The following NUP62CL variants were observed in gnomAD, a reference collection of about 807,000 sequenced individuals.
The protein encoded by NUP62CL is nucleoporin-62 C-terminal-like protein.
Under a neutral mutation model 15.3 loss-of-function variants are expected in NUP62CL, and 13 were observed. The ratio of observed to expected loss-of-function variants is 0.85; its 90% CI spans 0.55 to 1.35. The LOEUF (loss-of-function observed/expected upper bound fraction) is 1.35, where lower values mean the gene tolerates loss of function less well. Ranked by LOEUF, NUP62CL falls within the 40% of genes most tolerant of loss-of-function variation. The pLI, the probability that NUP62CL is intolerant of heterozygous loss-of-function variation, is 0.00. For synonymous variants in NUP62CL, 54 were observed against 49.2 expected (o/e 1.10, Z -0.41); for missense variants, 123 against 130.6 (o/e 0.94, Z 0.28).
At chrX:107,178,797 T>C (rs1285031557) in intron 2 of NUP62CL, among the ~76,000 whole-genome samples, 3 of 111,545 alleles carry the variant, frequency 2.7e-5, no homozygotes, top group Admixed American at 9.6e-5. Context: ...TATCCCTATG[T>C]TTCATTTAGG....
At chrX:107,156,637 C>T (rs1220810522) in intron 4 of NUP62CL, among the ~76,000 whole-genome samples, 9 of 83,077 alleles carry the variant, frequency 1.1e-4, no homozygotes, top group Non-Finnish European at 1.6e-4. Flanking sequence ...TGTACATCAC[C>T]ATCATCAAAG....
chrX:107,193,331 T>C (rs1927287845), intron 1 of NUP62CL, among the ~76,000 whole-genome samples: 2 of 112,222 alleles, frequency 1.8e-5, no homozygotes, highest in African/African-American at 3.2e-5. Context: ...TAGCCCAAGA[T>C]GATACCTTGA....
At chrX:107,126,291 TTAAGA>T (rs1273143775) in intron 8 of NUP62CL, among the ~76,000 whole-genome samples, 12 of 112,217 alleles carry the variant, frequency 1.1e-4, no homozygotes, top group Non-Finnish European at 1.9e-4. Context: ...CTCACTATTG[TTAAGA>T]TGGCAATTCT....
intron 7 of NUP62CL, among the ~76,000 whole-genome samples, chrX:107,148,313 G>GTA (rs767472380): frequency 9.0e-6 from 1 of 111,680 alleles, no homozygotes; most frequent in Admixed American, 9.5e-5. Flanking sequence ...GACTCAGTCA[G>GTA]TATATTCTAT....
chrX:107,129,477 A>G (rs993570322), intron 8 of NUP62CL, among the ~76,000 whole-genome samples: 5 of 112,108 alleles, frequency 4.5e-5, no homozygotes, highest in Non-Finnish European at 9.4e-5. Flanking sequence ...ATAAAGTGAA[A>G]GCCTACAAGC....
chrX:107,143,255 C>T lies in NUP62CL; in HGVS notation c.*42+4488G>A, dbSNP rs986859287. On this transcript the variant is annotated intron_variant, in intron 8 of 8. Transcript: ENST00000372466. ...ATCACGCTTTTTTATTAGACACAGT[C>T]TCACTGTCACCAAGGCTAGGGTGTA... 2.7e-5 allele frequency among the ~76,000 whole-genome samples: 3 copies of T among 111,663 alleles called. No homozygotes were observed. In the East Asian group the frequency reaches 8.4e-4, roughly 31 times the overall value.
chrX:107,137,702 C>G (rs1170878903), intron 8 of NUP62CL, among the ~76,000 whole-genome samples: 1 of 111,830 alleles, frequency 8.9e-6, no homozygotes, highest in African/African-American at 3.2e-5. Flanking sequence ...ATGAAAATTA[C>G]AAAATGCTCA....
At chrX:107,176,061 C>T (rs1266088773) in intron 2 of NUP62CL, among the ~76,000 whole-genome samples, 1 of 111,558 alleles carries the variant, frequency 9.0e-6, no homozygotes, top group Non-Finnish European at 1.9e-5. Flanking sequence ...CTGCTCAGTA[C>T]CCAAAGCACT....
rs775576182 is a variant in NUP62CL at position 107,152,151 on chromosome X, G to GAAT, written c.530+1020_530+1021insATT. ...ATATATTCAGATATATATATATTCA[G>GAAT]ATATATATATATATATTCAGATATA... is the stretch of plus-strand genomic sequence containing the variant. On this transcript the variant is annotated intron_variant, in intron 7 of 8. Coordinates refer to ENST00000372466, the MANE Select transcript of NUP62CL (RefSeq NM_017681.3). Among the ~76,000 whole-genome samples the GAAT allele has an allele frequency of 3.6e-3, 153 of 42,817 alleles. 6 individuals carry two copies. The highest frequency in any genetic ancestry group is 0.015 in the African/African-American group (140 of 9,282). The allele number at this position is 42,817 out of a possible 115,157, so 37.2% of individuals were successfully genotyped here. A position where few individuals can be genotyped will look rare whatever the true frequency, so the allele number is the denominator to read the frequency against.
At chrX:107,140,658 C>T (rs1202127202) in intron 8 of NUP62CL, among the ~76,000 whole-genome samples, 1 of 112,242 alleles carries the variant, frequency 8.9e-6, no homozygotes, top group Non-Finnish European at 1.9e-5. Context: ...TACAAGAGTG[C>T]TTTTTCTGTT....
intron 7 of NUP62CL, among the ~76,000 whole-genome samples, chrX:107,149,674 A>G (rs768503875): frequency 8.9e-6 from 1 of 112,337 alleles, no homozygotes; most frequent in East Asian, 2.8e-4. Context: ...CTGTCTGTAT[A>G]TAATTGAACA....
chrX:107,157,034 G>A (rs1926216659), intron 4 of NUP62CL, among the ~76,000 whole-genome samples: 2 of 99,256 alleles, frequency 2.0e-5, no homozygotes, highest in South Asian at 1.1e-3. Flanking sequence ...ATCAGCAATG[G>A]AAGATGAAAT....
chrX:107,132,277 T>G (rs1389317845), intron 8 of NUP62CL: 1 of 999,617 alleles, frequency 1.0e-6, no homozygotes, highest in Admixed American at 2.6e-5. Flanking sequence ...TAGAAATCAC[T>G]CCTAGATGAA....
At chrX:107,156,497 G>A (rs1267403435) in intron 4 of NUP62CL, among the ~76,000 whole-genome samples, 15 of 105,990 alleles carry the variant, frequency 1.4e-4, no homozygotes, top group African/African-American at 5.2e-4. Context: ...GCCTAACTGG[G>A]AGGCACCCCC....
chrX:107,157,098 A>G (rs1360397794), intron 4 of NUP62CL, among the ~76,000 whole-genome samples: 1 of 109,168 alleles, frequency 9.2e-6, no homozygotes, highest in Non-Finnish European at 1.9e-5. Flanking sequence ...AAAAGAAATG[A>G]GCAAAGCCTC....
At chrX:107,189,709 C>T (rs766148883) in intron 2 of NUP62CL, among the ~76,000 whole-genome samples, 1 of 106,286 alleles carries the variant, frequency 9.4e-6, no homozygotes, top group African/African-American at 3.5e-5. Context: ...ATCACTTGAG[C>T]CTGGGAGGTC....
chrX:107,149,858 T>G (rs1925968951), intron 7 of NUP62CL, among the ~76,000 whole-genome samples: 1 of 111,095 alleles, frequency 9.0e-6, no homozygotes, highest in African/African-American at 3.3e-5. Context: ...AAAGGAGGAC[T>G]CCATTTAGCT....
chrX:107,143,134 G>T (rs181189870), intron 8 of NUP62CL, among the ~76,000 whole-genome samples: 1 of 111,820 alleles, frequency 8.9e-6, no homozygotes, highest in East Asian at 2.8e-4. Context: ...AAAGAAAGGG[G>T]CCTAGTTCTC....
intron 4 of NUP62CL, among the ~76,000 whole-genome samples, chrX:107,156,137 G>A (rs1283234706): frequency 9.0e-6 from 1 of 111,423 alleles, no homozygotes; most frequent in East Asian, 2.8e-4. Context: ...CTACGCCCAC[G>A]GCATCTCGCT....
Sources: gnomAD v4.1 joint callset for allele counts (sites outside exome capture counted in the v4.1 genomes callset) on GRCh38, gnomAD v4.1.1 for gene constraint, MANE v1.5 for transcripts, NCBI Gene and HGNC (gene_info 2026-07-23, HGNC 2026-07-21) for gene names.